CYTH3: variants seen among roughly 807,000 people sequenced by gnomAD.
The protein encoded by CYTH3 is cytohesin-3.
Under a neutral mutation model 55.1 loss-of-function variants are expected in CYTH3, and 23 were observed. The observed-to-expected ratio is 0.42, with a 90% CI of 0.30 to 0.59. CYTH3 has a LOEUF of 0.59. Among genes scored for constraint, CYTH3 ranks in the 20% least tolerant of loss-of-function variants. The probability of loss-of-function intolerance (pLI) is 0.20; values close to 1 mark genes in which losing one functional copy is unlikely to be tolerated. For synonymous variants in CYTH3, 249 were observed against 194.9 expected, an observed-to-expected ratio of 1.28 and a Z score of -2.31; for missense variants, 413 against 524.8, an observed-to-expected ratio of 0.79 and a Z score of 2.08.
At chr7:6,190,278 T>C (rs10247585) in intron 2 of CYTH3, among the ~76,000 whole-genome samples, 171 bp downstream of exon 2, 23,086 of 151,590 alleles carry the variant, frequency 0.15, 3,377 homozygotes, top group African/African-American at 0.38. Flanking sequence ...CTTTTCACTC[T>C]GTCTCTTTGT....
rs1037493989 is a variant in CYTH3, at chr7:6,171,667, C to G, written c.450-353G>C. 41 of 268,112 alleles carry G rather than the reference C, an allele frequency of 1.5e-4. No homozygotes were observed. Among genetic ancestry groups the G allele is most frequent in the African/African-American group, 8.4e-4 (39 of 46,228 alleles). The allele number at this position is 268,112 out of a possible 1,614,324, so 16.6% of individuals were successfully genotyped here. ...GTGATCACCAGAGCCCTGCCTGTCCCGAGCTGCCACCAGCCGGTCCTCCTT... is the reference window on the plus strand; with the variant it reads ...GTGATCACCAGAGCCCTGCCTGTCCGGAGCTGCCACCAGCCGGTCCTCCTT... On this transcript the variant is annotated intron_variant, in intron 6 of 12. Transcript: ENST00000350796. This position sits in a 1 kb window ranked among gnomAD's most constrained non-coding sequence, Gnocchi z 6.7.
At chr7:6,191,560 A>AT (rs1467809292) in intron 1 of CYTH3, among the ~76,000 whole-genome samples, 3 of 145,496 alleles carry the variant, frequency 2.1e-5, no homozygotes, top group Non-Finnish European at 4.5e-5. Context: ...ATACAGGAGA[A>AT]TTTTTTTTAT....
intron 1 of CYTH3, among the ~76,000 whole-genome samples, chr7:6,265,461 T>A (rs1780465414): frequency 6.7e-6 from 1 of 149,446 alleles, no homozygotes; most frequent in African/African-American, 2.5e-5. Context: ...AAAAAAAAAT[T>A]ACAAAAAATT....
chr7:6,272,575 G>A lies in CYTH3; in HGVS notation c.-68C>T, dbSNP rs1161558893. ...AGAGGGGCCGCGGGCTGGGGACGCC[G>A]CCGGAGGGAGCGCGCAGGCGACCGG... On this transcript the variant is annotated 5_prime_UTR_variant, in exon 1 of 13. Coordinates refer to ENST00000350796, the MANE Select transcript of CYTH3 (RefSeq NM_004227.4). 4.4e-6 allele frequency: 5 copies of A among 1,136,120 alleles called. No individual in the cohort carries two copies. The highest frequency in any genetic ancestry group is 3.4e-5 in the South Asian group (1 of 29,340). 70.4% of individuals were successfully genotyped at this position (1,136,120 alleles called of 1,614,324 possible).
chr7:6,200,227 C>T (rs1784028070), intron 1 of CYTH3, among the ~76,000 whole-genome samples: 1 of 152,114 alleles, frequency 6.6e-6, no homozygotes, highest in Non-Finnish European at 1.5e-5. Flanking sequence ...TAACAGATTC[C>T]AATCTACCAA....
At chr7:6,213,375 G>T (rs932387987) in intron 1 of CYTH3, among the ~76,000 whole-genome samples, 4 of 152,184 alleles carry the variant, frequency 2.6e-5, no homozygotes, top group African/African-American at 9.7e-5. Flanking sequence ...TTGGGGAAAG[G>T]AGGAACCTCC....
At chr7:6,272,390 C>T in intron 1 of CYTH3, 84 bp downstream of exon 1, 8 of 1,208,628 alleles carry the variant, frequency 6.6e-6, no homozygotes, top group Non-Finnish European at 7.3e-6. Context: ...CGGCGAACCC[C>T]GGCCCAGCGC....
chr7:6,235,640 C>T (rs1040388189), intron 1 of CYTH3, among the ~76,000 whole-genome samples: 1 of 152,084 alleles, frequency 6.6e-6, no homozygotes, highest in Non-Finnish European at 1.5e-5. Context: ...ACACGGGAGT[C>T]GTTAGATACT....
intron 2 of CYTH3, 45 bp downstream of exon 2, chr7:6,190,404 A>G: frequency 7.1e-7 from 1 of 1,403,568 alleles, no homozygotes; most frequent in Non-Finnish European, 9.3e-7. Context: ...ACTCAAAAGC[A>G]AAAAACAGAG....
intron 1 of CYTH3, among the ~76,000 whole-genome samples, chr7:6,223,067 T>C (rs1294539610): frequency 6.6e-6 from 1 of 152,240 alleles, no homozygotes; most frequent in Non-Finnish European, 1.5e-5. Flanking sequence ...ACTTCTCCTC[T>C]TAAATGCAGA....
intron 1 of CYTH3, among the ~76,000 whole-genome samples, chr7:6,263,917 T>C (rs1780418357): frequency 6.6e-6 from 1 of 152,044 alleles, no homozygotes; most frequent in South Asian, 2.1e-4. Context: ...CTGCAGAAGA[T>C]TACATACAGT....
chr7:6,202,606 G>C (rs556106624), intron 1 of CYTH3, among the ~76,000 whole-genome samples: 46 of 152,204 alleles, frequency 3.0e-4, no homozygotes, highest in African/African-American at 1.0e-3. Flanking sequence ...TGGGATTACA[G>C]GCATGCGCCG....
At chr7:6,211,240 C>G (rs994234670) in intron 1 of CYTH3, among the ~76,000 whole-genome samples, 1 of 152,238 alleles carries the variant, frequency 6.6e-6, no homozygotes, top group Non-Finnish European at 1.5e-5. Flanking sequence ...TCCCTGATCA[C>G]CCTGTCTAAA....
At chr7:6,189,761 G>T (rs1783750947) in intron 2 of CYTH3, among the ~76,000 whole-genome samples, 1 of 152,080 alleles carries the variant, frequency 6.6e-6, no homozygotes, top group African/African-American at 2.4e-5. Flanking sequence ...TGGTGGCTGG[G>T]CGCAGTGGCT....
intron 2 of CYTH3, among the ~76,000 whole-genome samples, chr7:6,189,479 G>A (rs781382479): frequency 2.6e-5 from 4 of 151,868 alleles, no homozygotes; most frequent in Non-Finnish European, 2.9e-5. Flanking sequence ...GCATGGTGGC[G>A]TGCATTTTTT....
chr7:6,235,606 A>C (rs1340867965), intron 1 of CYTH3, among the ~76,000 whole-genome samples: 3 of 152,174 alleles, frequency 2.0e-5, no homozygotes, highest in Non-Finnish European at 4.4e-5. Context: ...ACTTCTCAGA[A>C]ACCTACCACG....
intron 1 of CYTH3, among the ~76,000 whole-genome samples, chr7:6,229,500 C>G (rs151019124): frequency 3.3e-5 from 5 of 152,094 alleles, no homozygotes; most frequent in African/African-American, 9.6e-5. Context: ...TCCCAGCGGT[C>G]GAGTAGGGCT....
chr7:6,247,678 C>T (rs1779855811), intron 1 of CYTH3, among the ~76,000 whole-genome samples: 1 of 152,114 alleles, frequency 6.6e-6, no homozygotes, highest in South Asian at 2.1e-4. Context: ...GAGACAGGGT[C>T]TGTCGCCCAG....
chr7:6,197,345 G>C (rs1343282039), intron 1 of CYTH3, among the ~76,000 whole-genome samples: 1 of 152,172 alleles, frequency 6.6e-6, no homozygotes, highest in African/African-American at 2.4e-5. Context: ...ATAGTATATA[G>C]GGATATAATG....
Sources: gnomAD v4.1 joint callset for allele counts (sites outside exome capture counted in the v4.1 genomes callset) on GRCh38, gnomAD v4.1.1 for gene constraint, Gnocchi (gnomAD v3.1) non-coding constraint, MANE v1.5 for transcripts, NCBI Gene and HGNC (gene_info 2026-07-23, HGNC 2026-07-21) for gene names.